The following AIG1 variants were observed in gnomAD, a reference collection of about 807,000 sequenced individuals.
AIG1 encodes the protein androgen induced 1.
Under a neutral mutation model 31.4 loss-of-function variants are expected in AIG1, and 23 were observed. The ratio of observed to expected loss-of-function variants is 0.73; its 90% CI spans 0.53 to 1.04. The LOEUF is 1.04. Among genes scored for constraint, AIG1 ranks in the 50% least tolerant of loss-of-function variants. AIG1 has a pLI of 0.00. For synonymous variants in AIG1, 100 were observed against 110.5 expected (o/e 0.90, Z 0.60); for missense variants, 274 against 295.0 (o/e 0.93, Z 0.52).
At chr6:143,282,707 T>G (rs1462315729) in intron 3 of AIG1, among the ~76,000 whole-genome samples, 1 of 152,242 alleles carries the variant, frequency 6.6e-6, no homozygotes, top group Non-Finnish European at 1.5e-5. Context: ...TAGAGGAGAA[T>G]GTTTAAGGCA....
At chr6:143,285,451 C>T (rs1446251332) in intron 4 of AIG1, among the ~76,000 whole-genome samples, 2 of 151,214 alleles carry the variant, frequency 1.3e-5, no homozygotes, top group Admixed American at 6.6e-5. Flanking sequence ...CACTTGAGAC[C>T]GGGAGTTCGA....
intron 1 of AIG1, among the ~76,000 whole-genome samples, chr6:143,102,563 A>T (rs1174906313): frequency 6.8e-6 from 1 of 147,848 alleles, no homozygotes; most frequent in African/African-American, 2.5e-5. Flanking sequence ...AGATAATGTT[A>T]TATAAATATA....
At chr6:143,310,936 A>T (rs1396266729) in intron 4 of AIG1, among the ~76,000 whole-genome samples, 1 of 151,958 alleles carries the variant, frequency 6.6e-6, no homozygotes, top group Non-Finnish European at 1.5e-5. Flanking sequence ...CTATTACAGA[A>T]ATTGAATGAA....
At chr6:143,176,446 G>C (rs1045563231) in intron 3 of AIG1, among the ~76,000 whole-genome samples, 1 of 152,182 alleles carries the variant, frequency 6.6e-6, no homozygotes, top group Non-Finnish European at 1.5e-5. Flanking sequence ...TTCCAGGACG[G>C]GTAGAGAAAG....
At chr6:143,319,590 T>C (rs1404904691) in intron 4 of AIG1, among the ~76,000 whole-genome samples, 1 of 152,048 alleles carries the variant, frequency 6.6e-6, no homozygotes, top group Non-Finnish European at 1.5e-5. Context: ...ATCCATGTAA[T>C]CAAACACCAC....
chr6:143,300,317 A>G (rs771694361), intron 4 of AIG1, among the ~76,000 whole-genome samples: 17 of 152,218 alleles, frequency 1.1e-4, no homozygotes, highest in Non-Finnish European at 5.9e-5. Context: ...ACAAGTTTTT[A>G]TCAAAGTTAA....
chr6:143,243,374 A>G (rs1794392790), intron 3 of AIG1, among the ~76,000 whole-genome samples: 1 of 152,242 alleles, frequency 6.6e-6, no homozygotes, highest in African/African-American at 2.4e-5. Context: ...GAGATTATGA[A>G]AATAACACTA....
In AIG1 at chr6:143,124,749, G is replaced by A. The variant is rs144336957; in HGVS notation, c.142-12086G>A. Among the ~76,000 whole-genome samples the A allele has an allele frequency of 5.4e-3, 818 of 152,312 alleles. 12 individuals are homozygous for A. Among genetic ancestry groups the A allele is most frequent in the African/African-American group, 0.016 (680 of 41,572 alleles). Reference sequence around the variant, plus strand: ...AGGAGAAGCAGGTACCTTCTTTACAGGGTGGCAGGACAGGAGTGGGTGCAA... The same window carrying A: ...AGGAGAAGCAGGTACCTTCTTTACAAGGTGGCAGGACAGGAGTGGGTGCAA... On this transcript the variant is annotated intron_variant, in intron 1 of 5. Transcript: ENST00000357847.
downstream of AIG1, among the ~76,000 whole-genome samples, chr6:143,341,588 A>G (rs889978722): frequency 6.6e-6 from 1 of 152,226 alleles, no homozygotes; most frequent in Admixed American, 6.5e-5. Flanking sequence ...AGGAAAGACC[A>G]TGTGAGGGCA....
chr6:143,257,589 G>GGTTTTGGTTCTTTGTTTTGTTTT (rs1795459341), intron 3 of AIG1, among the ~76,000 whole-genome samples: 1 of 152,078 alleles, frequency 6.6e-6, no homozygotes, highest in African/African-American at 2.4e-5. Context: ...TGTTTGGTTT[G>GGTTTTGGTTCTTTGTTTTGTTTT]GTTTTGGTTC....
intron 3 of AIG1, among the ~76,000 whole-genome samples, chr6:143,214,012 G>A (rs1041187817): frequency 6.6e-6 from 1 of 152,132 alleles, no homozygotes; most frequent in African/African-American, 2.4e-5. Flanking sequence ...ATGAGTTTCT[G>A]AATAATTGCC....
chr6:143,101,941 T>G (rs1446716764), intron 1 of AIG1, among the ~76,000 whole-genome samples: 1 of 152,188 alleles, frequency 6.6e-6, no homozygotes. Flanking sequence ...GAATCTCTAG[T>G]GGTAGACATT....
chr6:143,310,771 C>A lies in AIG1; in HGVS notation c.516-22511C>A, dbSNP rs1775203334. Among the ~76,000 whole-genome samples the A allele has an allele frequency of 2.6e-5, 4 of 151,578 alleles. No individual in the cohort carries two copies. The South Asian group carries it at 8.3e-4, about 31-fold the overall frequency. ...AATAAATGAAAGAGGAATCCCACTA[C>A]TGAGCCTATGGACATTAAAAGAATA... On this transcript the variant is annotated intron_variant, in intron 4 of 5. Transcript: ENST00000357847.
chr6:143,342,357 C>A, downstream of AIG1: 1 of 673,284 alleles, frequency 1.5e-6, no homozygotes, highest in Non-Finnish European at 2.7e-6. Flanking sequence ...CCCGCCGCAG[C>A]TGCTTAGACG....
At chr6:143,301,607 G>A (rs770636476) in intron 4 of AIG1, among the ~76,000 whole-genome samples, 6 of 152,130 alleles carry the variant, frequency 3.9e-5, no homozygotes, top group African/African-American at 9.7e-5. Flanking sequence ...TTCACATGGC[G>A]GCAGCAAGAA....
Position 143,280,728 on chromosome 6 carries a change from A to G in AIG1, c.400-3382A>G, listed in dbSNP as rs1335349409. Among the ~76,000 whole-genome samples the G allele has an allele frequency of 6.6e-6, 1 of 152,072 alleles. No individual in the cohort carries two copies. The highest frequency in any genetic ancestry group is 1.5e-5 in the Non-Finnish European group (1 of 68,022). ...AGACACTGGGGTCTACTTGAGGGGGAGGTTGGGAGGAGGGAGAGTAGCAGA... is the reference window on the plus strand; with the variant it reads ...AGACACTGGGGTCTACTTGAGGGGGGGGTTGGGAGGAGGGAGAGTAGCAGA... On this transcript the variant is annotated intron_variant, in intron 3 of 5. Coordinates refer to ENST00000357847, the MANE Select transcript of AIG1 (RefSeq NM_016108.4). This position sits in a 1 kb window ranked among gnomAD's most constrained non-coding sequence, Gnocchi z 4.1.
chr6:143,254,941 G>T (rs916017934), intron 3 of AIG1, among the ~76,000 whole-genome samples: 5 of 152,142 alleles, frequency 3.3e-5, no homozygotes, highest in African/African-American at 1.2e-4. Context: ...GGAGGCTGAG[G>T]TGGGAGGATC....
chr6:143,303,190 A>G lies in AIG1; in HGVS notation c.515+18965A>G, dbSNP rs1460721120. Reference sequence around the variant, plus strand: ...TTTTGTAGGTTGCCTGTTCACTCTGATGGTAGTTTCTTTTGCTGTGCAGAA... The same window carrying G: ...TTTTGTAGGTTGCCTGTTCACTCTGGTGGTAGTTTCTTTTGCTGTGCAGAA... On this transcript the variant is annotated intron_variant, in intron 4 of 5. Coordinates refer to ENST00000357847, the MANE Select transcript of AIG1 (RefSeq NM_016108.4). Among the ~76,000 whole-genome samples the G allele has an allele frequency of 4.0e-5, 6 of 151,336 alleles. No individual in the cohort carries two copies. The East Asian group carries it at 1.2e-3, about 29-fold the overall frequency.
At chr6:143,236,758 ACACATT>A (rs1265822499) in intron 3 of AIG1, among the ~76,000 whole-genome samples, 1 of 152,140 alleles carries the variant, frequency 6.6e-6, no homozygotes, top group Middle Eastern at 3.2e-3. Context: ...CCCAACTAAA[ACACATT>A]TGCATCAAGT....
Sources: allele counts gnomAD v4.1 joint callset (sites outside exome capture counted in the v4.1 genomes callset), GRCh38; gene constraint gnomAD v4.1.1; non-coding constraint Gnocchi (gnomAD v3.1); transcripts MANE v1.5; gene names NCBI Gene and HGNC (gene_info 2026-07-23, HGNC 2026-07-21).